DTD1: variants seen among roughly 807,000 people sequenced by gnomAD.
DTD1 encodes the protein D-aminoacyl-tRNA deacylase 1, also known as D-tyrosyl-tRNA deacylase 1 homolog.
A neutral mutation model predicts 25.6 loss-of-function variants in DTD1; 13 were observed. The observed-to-expected ratio is 0.51, with a 90% CI of 0.33 to 0.81. The LOEUF is 0.81. Among genes scored for constraint, DTD1 ranks in the 30% least tolerant of loss-of-function variants. The pLI, the probability that DTD1 is intolerant of heterozygous loss-of-function variation, is 0.02. For synonymous variants in DTD1, 110 were observed against 103.6 expected (o/e 1.06, Z -0.37); for missense variants, 193 against 266.4 (o/e 0.72, Z 1.92).
At chr20:18,624,027 G>A (rs1445240594) in intron 3 of DTD1, among the ~76,000 whole-genome samples, 5 of 152,038 alleles carry the variant, frequency 3.3e-5, no homozygotes, top group Non-Finnish European at 5.9e-5. Context: ...CTCTGGCCAT[G>A]GGGGTGCCCT....
intron 5 of DTD1, among the ~76,000 whole-genome samples, chr20:18,757,468 G>A (rs1009929670): frequency 2.6e-5 from 4 of 152,136 alleles, no homozygotes; most frequent in African/African-American, 4.8e-5. Context: ...TTTATTGAGC[G>A]TTTTTAGCAT....
chr20:18,689,585 G>A (rs2122430902), intron 4 of DTD1, among the ~76,000 whole-genome samples: 1 of 152,244 alleles, frequency 6.6e-6, no homozygotes, highest in East Asian at 1.9e-4. Context: ...GTCAATGGGG[G>A]CAGGAAGGAT....
intron 4 of DTD1, among the ~76,000 whole-genome samples, chr20:18,669,700 G>A (rs2060944878): frequency 6.6e-6 from 1 of 151,972 alleles, no homozygotes; most frequent in African/African-American, 2.4e-5. Flanking sequence ...TCCATTTTGT[G>A]TGTGTGTGAC....
chr20:18,626,238 G>T (rs577790617), intron 3 of DTD1, among the ~76,000 whole-genome samples: 7 of 152,292 alleles, frequency 4.6e-5, no homozygotes, highest in Non-Finnish European at 1.0e-4. Flanking sequence ...GAACAAACTG[G>T]GGCCCGGAGA....
intron 4 of DTD1, among the ~76,000 whole-genome samples, chr20:18,740,342 ATC>A (rs1568686458): frequency 6.6e-6 from 1 of 151,362 alleles, no homozygotes; most frequent in East Asian, 1.9e-4. Context: ...TTTGTTTTTA[ATC>A]TCTGAAGATG....
At chr20:18,659,359 A>C (rs746367367) in intron 4 of DTD1, among the ~76,000 whole-genome samples, 21 of 152,038 alleles carry the variant, frequency 1.4e-4, no homozygotes, top group Non-Finnish European at 2.9e-4. Context: ...ATTCTCCTCG[A>C]TTTGCAGACT....
intron 4 of DTD1, chr20:18,630,971 G>C: frequency 1.4e-6 from 1 of 726,944 alleles, no homozygotes; most frequent in South Asian, 6.2e-5. Context: ...GATTTGTCTT[G>C]TTACCTGTGA....
At chr20:18,628,346 T>G in intron 4 of DTD1, 113 bp downstream of exon 4, 2 of 796,574 alleles carry the variant, frequency 2.5e-6, no homozygotes, top group Middle Eastern at 7.4e-4. Context: ...ACGTTGTATT[T>G]ATTTTAATAC....
intron 4 of DTD1, among the ~76,000 whole-genome samples, chr20:18,707,455 C>G (rs143402717): frequency 6.6e-6 from 1 of 152,140 alleles, no homozygotes; most frequent in African/African-American, 2.4e-5. Flanking sequence ...CCTGGTCTTA[C>G]CCAATATACC....
intron 5 of DTD1, among the ~76,000 whole-genome samples, chr20:18,756,746 A>C (rs866194344): frequency 2.0e-5 from 3 of 151,742 alleles, no homozygotes; most frequent in Admixed American, 6.6e-5. Flanking sequence ...TTGACTTGGC[A>C]ATGCGGGCTC....
At chr20:18,730,251 C>A (rs1160638047) in intron 4 of DTD1, among the ~76,000 whole-genome samples, 1 of 152,092 alleles carries the variant, frequency 6.6e-6, no homozygotes, top group Non-Finnish European at 1.5e-5. Context: ...ATTGTAAAAA[C>A]CAGTGCAGTG....
In DTD1 at chr20:18,657,463, A is replaced by C. The variant is rs140942341; in HGVS notation, c.477+29230A>C. Among the ~76,000 whole-genome samples the C allele has an allele frequency of 3.8e-4, 58 of 152,356 alleles. 1 individual carries two copies. The East Asian group carries it at 0.011, about 28-fold the overall frequency. ...ACCATCACTTTTCTGCAATCTTTCC[A>C]TTTCTCTTGGCCAGAGATAGCACCT... On this transcript the variant is annotated intron_variant, in intron 4 of 5. Transcript: ENST00000377452.
chr20:18,712,194 A>G (rs899480354), intron 4 of DTD1, among the ~76,000 whole-genome samples: 1 of 152,008 alleles, frequency 6.6e-6, no homozygotes, highest in Non-Finnish European at 1.5e-5. Flanking sequence ...CCAGTGTTTC[A>G]TCTTTGTTTT....
intron 3 of DTD1, among the ~76,000 whole-genome samples, chr20:18,616,417 A>T (rs1814129710): frequency 6.6e-6 from 1 of 152,116 alleles, no homozygotes; most frequent in African/African-American, 2.4e-5. Flanking sequence ...TGATTTGCTT[A>T]GTTGATTGTC....
At chr20:18,611,127 A>C (rs2060685160) in intron 3 of DTD1, 1 of 152,234 alleles carries the variant, frequency 6.6e-6, no homozygotes, top group African/African-American at 2.4e-5. Context: ...GGCCCCTTCC[A>C]TCCTTGTCAA....
chr20:18,601,498 CAAAAA>C (rs1175102426), intron 3 of DTD1, among the ~76,000 whole-genome samples: 4,630 of 110,564 alleles, frequency 0.042, 142 homozygotes, highest in African/African-American at 0.087. Flanking sequence ...GACTCTGTCT[CAAAAA>C]AAAAAAAAAA....
intron 4 of DTD1, among the ~76,000 whole-genome samples, chr20:18,714,338 C>G (rs1320877761): frequency 1.3e-5 from 2 of 152,148 alleles, no homozygotes; most frequent in Non-Finnish European, 2.9e-5. Context: ...TTTCATCAGG[C>G]TTCTTGTTCT....
chr20:18,621,078 A>G (rs2122296802), intron 3 of DTD1, among the ~76,000 whole-genome samples: 1 of 152,264 alleles, frequency 6.6e-6, no homozygotes, highest in South Asian at 2.1e-4. Context: ...TCCCACTAAT[A>G]TCCTTTTTTC....
chr20:18,623,931 A>T (rs919071857), intron 3 of DTD1, among the ~76,000 whole-genome samples: 3 of 124,240 alleles, frequency 2.4e-5, no homozygotes, highest in Non-Finnish European at 5.5e-5. Flanking sequence ...GAGCATGCAC[A>T]ATAGAGGGCA....
Sources: gnomAD v4.1 joint callset for allele counts (sites outside exome capture counted in the v4.1 genomes callset) on GRCh38, gnomAD v4.1.1 for gene constraint, MANE v1.5 for transcripts, NCBI Gene and HGNC (gene_info 2026-07-23, HGNC 2026-07-21) for gene names.